The following MDGA2 variants were observed in gnomAD, a reference collection of about 807,000 sequenced individuals.
MDGA2 encodes MAM domain-containing glycosylphosphatidylinositol anchor protein 2.
A neutral mutation model predicts 117.8 loss-of-function variants in MDGA2; 40 were observed. The ratio of observed to expected loss-of-function variants is 0.34; its 90% CI spans 0.26 to 0.44. MDGA2 has a LOEUF of 0.44. Among genes scored for constraint, MDGA2 ranks in the 20% least tolerant of loss-of-function variants. The pLI is 1.00. For synonymous variants in MDGA2, 452 were observed against 439.0 expected, an observed-to-expected ratio of 1.03 and a Z score of -0.37; for missense variants, 1,123 against 1,250.6, an observed-to-expected ratio of 0.90 and a Z score of 1.54.
At chr14:47,372,310 T>C (rs967846739) in intron 1 of MDGA2, among the ~76,000 whole-genome samples, 1 of 151,726 alleles carries the variant, frequency 6.6e-6, no homozygotes, top group Non-Finnish European at 1.5e-5. Context: ...AGTGATAAAA[T>C]ATTTGCAGCA....
chr14:47,135,793 C>T (rs1430913998), intron 4 of MDGA2, among the ~76,000 whole-genome samples: 5 of 152,086 alleles, frequency 3.3e-5, no homozygotes, highest in African/African-American at 7.2e-5. Flanking sequence ...AGTTATGTCA[C>T]TATCTTGAGG....
At chr14:47,205,695 G>C (rs1885657878) in intron 3 of MDGA2, among the ~76,000 whole-genome samples, 1 of 151,984 alleles carries the variant, frequency 6.6e-6, no homozygotes, top group East Asian at 1.9e-4. Context: ...ATGTAGAAAA[G>C]TAAGTCTCTT....
intron 1 of MDGA2, among the ~76,000 whole-genome samples, chr14:47,608,314 A>C (rs1896778337): frequency 6.6e-6 from 1 of 152,160 alleles, no homozygotes; most frequent in South Asian, 2.1e-4. Context: ...AATCCTAATT[A>C]TGTAACATGA....
At chr14:47,641,728 G>C (rs999534352) in intron 1 of MDGA2, among the ~76,000 whole-genome samples, 4 of 152,088 alleles carry the variant, frequency 2.6e-5, no homozygotes, top group African/African-American at 9.6e-5. Context: ...AACACAATTT[G>C]ATATTAAATA....
At chr14:47,514,287 C>G (rs1179281192) in intron 1 of MDGA2, among the ~76,000 whole-genome samples, 2 of 151,964 alleles carry the variant, frequency 1.3e-5, no homozygotes, top group Admixed American at 1.3e-4. Flanking sequence ...GGCAATGCCC[C>G]CAAGTTCCTG....
intron 1 of MDGA2, among the ~76,000 whole-genome samples, chr14:47,358,456 G>A (rs1401686143): frequency 2.6e-5 from 4 of 152,118 alleles, no homozygotes; most frequent in African/African-American, 9.7e-5. Context: ...AGTACTGAAA[G>A]TACTAGCAAG....
chr14:47,363,318 C>A (rs1891164892), intron 1 of MDGA2, among the ~76,000 whole-genome samples: 1 of 152,052 alleles, frequency 6.6e-6, no homozygotes, highest in South Asian at 2.1e-4. Flanking sequence ...AGTGCAGTGG[C>A]ACGATCTCAG....
intron 3 of MDGA2, among the ~76,000 whole-genome samples, chr14:47,216,320 AGTAT>A (rs1273006580): frequency 6.6e-6 from 1 of 152,122 alleles, no homozygotes; most frequent in Non-Finnish European, 1.5e-5. Flanking sequence ...AAACCTTTGG[AGTAT>A]GTGTTTCAGA....
intron 7 of MDGA2, among the ~76,000 whole-genome samples, chr14:47,039,518 C>A (rs1476185496): frequency 6.6e-6 from 1 of 152,160 alleles, no homozygotes; most frequent in Non-Finnish European, 1.5e-5. Context: ...CTGTCACTAG[C>A]CTCATTCTTC....
At chr14:47,234,184 G>T (rs1317047427) in intron 2 of MDGA2, among the ~76,000 whole-genome samples, 1 of 151,032 alleles carries the variant, frequency 6.6e-6, no homozygotes. Flanking sequence ...ATATGTGTGT[G>T]CATATATGCT....
intron 1 of MDGA2, among the ~76,000 whole-genome samples, chr14:47,351,643 A>G (rs550805082): frequency 6.6e-6 from 1 of 152,176 alleles, no homozygotes; most frequent in East Asian, 1.9e-4. Flanking sequence ...TTATTCACTG[A>G]AAAGGTCTGC....
At chr14:47,083,737 A>AAT (rs1890791450) in intron 6 of MDGA2, among the ~76,000 whole-genome samples, 2 of 151,990 alleles carry the variant, frequency 1.3e-5, no homozygotes, top group African/African-American at 4.8e-5. Context: ...AAAAGGACAA[A>AAT]ATATATATAT....
At position 47,086,349 on chromosome 14, in the gene MDGA2, T is replaced by C. The variant is rs565967109; in HGVS notation, c.1195+10505A>G. Reference sequence around the variant, plus strand: ...GAACAATTAAAGAATTATATTTGATTACATCTATTTAGAAATCATTGGAAG... The same window carrying C: ...GAACAATTAAAGAATTATATTTGATCACATCTATTTAGAAATCATTGGAAG... On this transcript the variant is annotated intron_variant, in intron 6 of 16. Coordinates refer to ENST00000399232, the MANE Select transcript of MDGA2 (RefSeq NM_001113498.3). Among the ~76,000 whole-genome samples the C allele has an allele frequency of 2.0e-4, 30 of 152,168 alleles. No homozygotes were observed. The South Asian group carries it at 6.0e-3, about 30-fold the overall frequency.
intron 4 of MDGA2, 143 bp downstream of exon 4, chr14:47,143,935 C>T (rs1882829976): frequency 2.0e-6 from 1 of 491,282 alleles, no homozygotes; most frequent in Non-Finnish European, 3.5e-6. Context: ...TTTAAGTTCT[C>T]TAATCTTTAA....
chr14:46,999,891 AT>A, intron 8 of MDGA2, among the ~76,000 whole-genome samples: 1 of 152,116 alleles, frequency 6.6e-6, no homozygotes, highest in South Asian at 2.1e-4. Context: ...ACCTTCACAC[AT>A]GTCTAAGGGG....
At chr14:47,569,575 G>C (rs998446621) in intron 1 of MDGA2, among the ~76,000 whole-genome samples, 4 of 152,170 alleles carry the variant, frequency 2.6e-5, no homozygotes, top group Admixed American at 6.5e-5. Flanking sequence ...CACCAAAAAT[G>C]GTAGGGCAGT....
chr14:47,107,062 C>T (rs1039979967), intron 5 of MDGA2, among the ~76,000 whole-genome samples: 3 of 130,674 alleles, frequency 2.3e-5, no homozygotes, highest in African/African-American at 6.2e-5. Flanking sequence ...TCTTCTATCC[C>T]CCCACCTTAA....
chr14:46,990,374 G>A (rs888560868), intron 8 of MDGA2, among the ~76,000 whole-genome samples: 2 of 151,822 alleles, frequency 1.3e-5, no homozygotes, highest in Non-Finnish European at 2.9e-5. Flanking sequence ...TAAATCATGA[G>A]CATTTAATGA....
At chr14:47,421,938 C>A (rs2138508622) in intron 1 of MDGA2, among the ~76,000 whole-genome samples, 1 of 151,368 alleles carries the variant, frequency 6.6e-6, no homozygotes, top group Non-Finnish European at 1.5e-5. Context: ...TAAAAAAAAT[C>A]ATGTGCTTGA....
Sources: gnomAD v4.1 joint callset for allele counts (sites outside exome capture counted in the v4.1 genomes callset) on GRCh38, gnomAD v4.1.1 for gene constraint, MANE v1.5 for transcripts, NCBI Gene and HGNC (gene_info 2026-07-23, HGNC 2026-07-21) for gene names.